The following SOX5 variants were observed in gnomAD, a reference collection of about 807,000 sequenced individuals.
The protein encoded by SOX5 is SRY-box transcription factor 5.
In SOX5, 9 loss-of-function variants were observed where a neutral mutation model predicts 92.0. The ratio of observed to expected loss-of-function variants is 0.10; its 90% CI spans 0.06 to 0.17. The LOEUF (loss-of-function observed/expected upper bound fraction) is 0.17, where lower values mean the gene tolerates loss of function less well. Ranked by LOEUF, SOX5 falls within the 10% of genes least tolerant of loss-of-function variation. SOX5 has a pLI of 1.00. For synonymous variants in SOX5, 344 were observed against 336.3 expected (o/e 1.02, Z -0.25); for missense variants, 642 against 944.5 (o/e 0.68, Z 4.20).
At chr12:24,482,782 G>A (rs991254238) in intron 1 of SOX5, among the ~76,000 whole-genome samples, 2 of 152,060 alleles carry the variant, frequency 1.3e-5, no homozygotes, top group African/African-American at 4.8e-5. Context: ...ACATAAATGT[G>A]GATTAATGAA....
chr12:23,788,859 T>A (rs1469622455), intron 3 of SOX5, among the ~76,000 whole-genome samples: 1 of 152,000 alleles, frequency 6.6e-6, no homozygotes, highest in African/African-American at 2.4e-5. Flanking sequence ...TAGTATTGAA[T>A]TTAAACAACA....
intron 8 of SOX5, among the ~76,000 whole-genome samples, chr12:23,621,310 A>G (rs2077152321): frequency 6.6e-6 from 1 of 152,148 alleles, no homozygotes; most frequent in African/African-American, 2.4e-5. Flanking sequence ...AATAAGAAAT[A>G]GGAAATAATT....
At chr12:24,140,079 G>A (rs1431133731) in intron 4 of SOX5, among the ~76,000 whole-genome samples, 2 of 152,076 alleles carry the variant, frequency 1.3e-5, no homozygotes, top group Non-Finnish European at 2.9e-5. Context: ...CCCTGGTTGC[G>A]AAAACAAAAT....
At chr12:24,036,521 T>C (rs1340248681) in intron 4 of SOX5, among the ~76,000 whole-genome samples, 1 of 152,142 alleles carries the variant, frequency 6.6e-6, no homozygotes, top group Non-Finnish European at 1.5e-5. Context: ...CAGTTTTATA[T>C]GTGGGCATTA....
Position 23,545,052 on chromosome 12 carries a change from AAATTGAATCC to A in SOX5, c.1597+1254_1597+1263del, listed in dbSNP as rs1452529459. On this transcript the variant is annotated intron_variant, in intron 12 of 14. Transcript: ENST00000451604. The stretch of plus-strand genomic sequence containing the variant: ...TGCAACATTAGACCCAGAAAAATGC[AAATTGAATCC>A]AATTGAGTAAAATTCAGTTTTGATA... Among the ~76,000 whole-genome samples, 7 of 152,248 alleles carry A rather than the reference AAATTGAATCC, an allele frequency of 4.6e-5. No individual in the cohort carries two copies. The East Asian group carries it at 9.6e-4, about 21-fold the overall frequency.
intron 4 of SOX5, among the ~76,000 whole-genome samples, chr12:23,974,185 A>G (rs1948663267): frequency 6.6e-6 from 1 of 152,198 alleles, no homozygotes; most frequent in Non-Finnish European, 1.5e-5. Flanking sequence ...CCTGTAAAAT[A>G]CTATGGGTGA....
intron 11 of SOX5, 30 bp from the exon 12 acceptor site, chr12:23,546,454 C>G (rs1051792865): frequency 8.1e-7 from 1 of 1,227,184 alleles, no homozygotes; most frequent in South Asian, 1.3e-5. Context: ...AGAGATCAGT[C>G]TAGGAATTAA....
At position 23,872,164 on chromosome 12, in the gene SOX5, ATTTTTTTT is replaced by A. The variant is rs71059938; in HGVS notation, c.270+23621_270+23628del. ...AGGCGCCCGCCACCACGCCCGGCTAATTTTTTTTTTTTTTTTTTTTTTTTTTTTTAGTA... is the reference window on the plus strand; with the variant it reads ...AGGCGCCCGCCACCACGCCCGGCTAATTTTTTTTTTTTTTTTTTTTTAGTA... On this transcript the variant is annotated intron_variant, in intron 2 of 14. Transcript: ENST00000451604. Among the ~76,000 whole-genome samples the A allele has an allele frequency of 1.9e-4, 12 of 61,650 alleles. 1 individual carries two copies. Among genetic ancestry groups the A allele is most frequent in the Non-Finnish European group, 3.6e-4 (11 of 30,948 alleles). The allele number at this position is 61,650 out of a possible 152,430, so 40.4% of individuals were successfully genotyped here.
At chr12:23,602,625 C>T (rs1292184159) in intron 9 of SOX5, among the ~76,000 whole-genome samples, 1 of 151,986 alleles carries the variant, frequency 6.6e-6, no homozygotes, top group Non-Finnish European at 1.5e-5. Context: ...CGTAAAGCCT[C>T]ATTACGAAAC....
intron 4 of SOX5, among the ~76,000 whole-genome samples, chr12:24,021,816 C>T (rs925323807): frequency 6.6e-6 from 1 of 152,154 alleles, no homozygotes; most frequent in African/African-American, 2.4e-5. Context: ...AATTTTCAGC[C>T]TCTGCCTTCT....
At chr12:24,295,045 A>C (rs1180685119) in intron 2 of SOX5, among the ~76,000 whole-genome samples, 3 of 152,196 alleles carry the variant, frequency 2.0e-5, no homozygotes, top group African/African-American at 7.2e-5. Flanking sequence ...ATATTCACCA[A>C]AAGTTTAGCA....
intron 2 of SOX5, among the ~76,000 whole-genome samples, chr12:23,868,822 T>C (rs966661608): frequency 6.6e-6 from 1 of 152,120 alleles, no homozygotes; most frequent in African/African-American, 2.4e-5. Context: ...ATTTTGAGTA[T>C]AAACTAAATA....
At chr12:24,493,571 A>G (rs1462278725) in intron 1 of SOX5, among the ~76,000 whole-genome samples, 2 of 152,218 alleles carry the variant, frequency 1.3e-5, no homozygotes, top group Middle Eastern at 3.2e-3. Flanking sequence ...TCTGAAATAA[A>G]AAGTTTGTTT....
intron 2 of SOX5, among the ~76,000 whole-genome samples, chr12:24,302,257 T>C (rs181167279): frequency 5.4e-4 from 83 of 152,306 alleles, no homozygotes; most frequent in South Asian, 6.2e-4. Context: ...CCATGGGGTA[T>C]TATTCAATTA....
At chr12:24,425,143 C>A (rs186792702) in intron 1 of SOX5, among the ~76,000 whole-genome samples, 1 of 152,240 alleles carries the variant, frequency 6.6e-6, no homozygotes, top group Admixed American at 6.5e-5. Flanking sequence ...TGGGAGGAAA[C>A]AACATCAAAG....
chr12:24,424,581 C>T (rs1966419238), intron 1 of SOX5, among the ~76,000 whole-genome samples: 1 of 151,992 alleles, frequency 6.6e-6, no homozygotes, highest in Non-Finnish European at 1.5e-5. Context: ...CTAGTAAGTT[C>T]ACCAAAAGAT....
At chr12:23,778,441 A>G (rs1307219583) in intron 3 of SOX5, among the ~76,000 whole-genome samples, 1 of 152,180 alleles carries the variant, frequency 6.6e-6, no homozygotes, top group Non-Finnish European at 1.5e-5. Flanking sequence ...AGAAATAAGG[A>G]AAAAGGCATG....
intron 4 of SOX5, among the ~76,000 whole-genome samples, chr12:24,103,885 G>T (rs987845139): frequency 5.3e-5 from 8 of 152,124 alleles, no homozygotes; most frequent in Non-Finnish European, 7.3e-5. Flanking sequence ...AAATGCCAAT[G>T]TTTTCCTTCC....
chr12:23,617,405 C>T (rs2076692838), intron 8 of SOX5, among the ~76,000 whole-genome samples: 2 of 152,086 alleles, frequency 1.3e-5, no homozygotes, highest in Non-Finnish European at 2.9e-5. Flanking sequence ...TTGGGTTTTA[C>T]TGTTAAAAAG....
Sources: gnomAD v4.1 joint callset for allele counts (sites outside exome capture counted in the v4.1 genomes callset) on GRCh38, gnomAD v4.1.1 for gene constraint, MANE v1.5 for transcripts, NCBI Gene and HGNC (gene_info 2026-07-23, HGNC 2026-07-21) for gene names.